LRRTM4: variants seen among roughly 807,000 people sequenced by gnomAD.
LRRTM4 encodes leucine-rich repeat transmembrane neuronal protein 4.
In LRRTM4, 25 loss-of-function variants were observed where a neutral mutation model predicts 47.6. The ratio of observed to expected loss-of-function variants is 0.53; its 90% CI spans 0.38 to 0.73. LRRTM4 has a LOEUF of 0.73. Ranked by LOEUF, LRRTM4 falls within the 30% of genes least tolerant of loss-of-function variation. The pLI is 0.00. For synonymous variants in LRRTM4, 311 were observed against 269.5 expected, an observed-to-expected ratio of 1.15 and a Z score of -1.51; for missense variants, 638 against 713.4, an observed-to-expected ratio of 0.89 and a Z score of 1.20.
intron 3 of LRRTM4, among the ~76,000 whole-genome samples, chr2:77,271,341 G>T (rs1245900273): frequency 2.0e-5 from 3 of 152,158 alleles, no homozygotes; most frequent in African/African-American, 7.2e-5. Context: ...GACTGCAGAA[G>T]GTGGAACTAA....
At chr2:77,388,161 TAA>T (rs932431264) in intron 3 of LRRTM4, among the ~76,000 whole-genome samples, 3 of 147,392 alleles carry the variant, frequency 2.0e-5, no homozygotes, top group Non-Finnish European at 1.5e-5. Context: ...CTTCAATCTT[TAA>T]AAAAAAAAAA....
At position 76,815,086 on chromosome 2, in the gene LRRTM4, C is replaced by T. The variant is rs145461566; in HGVS notation, c.1552-66170G>A. ...CTTGTTCTAAAAATGTTCTGCCTTTCGAAACACAGGACAATTGTATCTATT... is the reference window on the plus strand; with the variant it reads ...CTTGTTCTAAAAATGTTCTGCCTTTTGAAACACAGGACAATTGTATCTATT... On this transcript the variant is annotated intron_variant, in intron 3 of 3. Transcript: ENST00000409884. 2.4e-3 allele frequency among the ~76,000 whole-genome samples: 366 copies of T among 151,240 alleles called. 6 individuals carry two copies. Among genetic ancestry groups the T allele is most frequent in the African/African-American group, 8.5e-3 (351 of 41,188 alleles).
rs1216932676 is a variant in LRRTM4, at chr2:76,796,544, G to A, written c.1552-47628C>T. Among the ~76,000 whole-genome samples the A allele has an allele frequency of 6.4e-5, 8 of 125,120 alleles. 2 individuals are homozygous for A. The highest frequency in any genetic ancestry group is 1.7e-4 in the African/African-American group (5 of 29,802). 82.1% of individuals were successfully genotyped at this position (125,120 alleles called of 152,430 possible). ...CTAACTGGGAGGCACCCCCAAGCAC[G>A]GGCACACTGACACCTCACACGGCAG... On this transcript the variant is annotated intron_variant, in intron 3 of 3. Transcript: ENST00000409884.
At position 77,113,753 on chromosome 2, in the gene LRRTM4, T is replaced by C. The variant is rs1336863021; in HGVS notation, c.1552-364837A>G. Among the ~76,000 whole-genome samples the C allele has an allele frequency of 7.2e-5, 11 of 151,894 alleles. No homozygotes were observed. In the East Asian group the frequency reaches 2.1e-3, roughly 29 times the overall value. The stretch of plus-strand genomic sequence containing the variant: ...ATGGCAAAGTGACCGGTTGAGGAAC[T>C]GAAACGACAGGAGGGCGAGGGGCTG... On this transcript the variant is annotated intron_variant, in intron 3 of 3. Coordinates refer to ENST00000409884, the MANE Select transcript of LRRTM4 (RefSeq NM_001134745.3).
intron 3 of LRRTM4, among the ~76,000 whole-genome samples, chr2:76,837,952 G>C (rs531886454): frequency 6.6e-6 from 1 of 151,790 alleles, no homozygotes; most frequent in Admixed American, 6.6e-5. Context: ...GGGGGTAGGG[G>C]GGAGGGATAG....
At position 77,123,920 on chromosome 2, in the gene LRRTM4, A is replaced by C. The variant is rs549656741; in HGVS notation, c.1552-375004T>G. On this transcript the variant is annotated intron_variant, in intron 3 of 3. Coordinates refer to ENST00000409884, the MANE Select transcript of LRRTM4 (RefSeq NM_001134745.3). ...GATATAAGAAAATATCACACTTTACATGCCATTGCAAGGATGGTTAGACAG... is the reference window on the plus strand; with the variant it reads ...GATATAAGAAAATATCACACTTTACCTGCCATTGCAAGGATGGTTAGACAG... 8.5e-5 allele frequency among the ~76,000 whole-genome samples: 13 copies of C among 152,190 alleles called. No homozygotes were observed. The South Asian group carries it at 2.5e-3, about 29-fold the overall frequency.
intron 3 of LRRTM4, among the ~76,000 whole-genome samples, chr2:77,164,671 G>A (rs960490832): frequency 2.6e-5 from 4 of 152,064 alleles, no homozygotes; most frequent in East Asian, 1.9e-4. Flanking sequence ...ACTCAAAACC[G>A]CTCAACTGCA....
At chr2:77,087,084 A>C (rs962668703) in intron 3 of LRRTM4, among the ~76,000 whole-genome samples, 5 of 152,158 alleles carry the variant, frequency 3.3e-5, no homozygotes, top group African/African-American at 1.2e-4. Flanking sequence ...AACTAAAGCA[A>C]CCAGTGTATA....
chr2:77,102,541 G>A (rs573280115), intron 3 of LRRTM4, among the ~76,000 whole-genome samples: 10 of 152,214 alleles, frequency 6.6e-5, no homozygotes, highest in Middle Eastern at 3.4e-3. Context: ...ATATTCCCAC[G>A]TATTTAAATC....
intron 3 of LRRTM4, among the ~76,000 whole-genome samples, chr2:76,808,192 G>T (rs944558690): frequency 6.6e-6 from 1 of 150,890 alleles, no homozygotes; most frequent in Admixed American, 6.6e-5. Flanking sequence ...GGCTAATTTT[G>T]TATTTTTAGT....
chr2:77,005,714 C>T (rs1489305950), intron 3 of LRRTM4, among the ~76,000 whole-genome samples: 1 of 152,198 alleles, frequency 6.6e-6, no homozygotes, highest in South Asian at 2.1e-4. Flanking sequence ...TAAGACATGA[C>T]TTTGCTGCTC....
chr2:76,801,663 A>T (rs1311834312), intron 3 of LRRTM4, among the ~76,000 whole-genome samples: 9 of 151,810 alleles, frequency 5.9e-5, no homozygotes, highest in African/African-American at 2.2e-4. Flanking sequence ...TTAAAGTATA[A>T]TAAAAAAAAA....
intron 3 of LRRTM4, among the ~76,000 whole-genome samples, chr2:77,335,952 A>G (rs1485919428): frequency 6.6e-6 from 1 of 152,144 alleles, no homozygotes; most frequent in African/African-American, 2.4e-5. Context: ...TAGCAACTGT[A>G]CACAATACAA....
intron 3 of LRRTM4, among the ~76,000 whole-genome samples, chr2:77,247,260 A>G (rs1483523128): frequency 2.0e-5 from 3 of 152,142 alleles, no homozygotes; most frequent in African/African-American, 7.2e-5. Flanking sequence ...TATACAAGGA[A>G]AGCAAAATAT....
At chr2:77,065,055 A>C (rs1327979159) in intron 3 of LRRTM4, among the ~76,000 whole-genome samples, 1 of 152,180 alleles carries the variant, frequency 6.6e-6, no homozygotes, top group Non-Finnish European at 1.5e-5. Flanking sequence ...CAACACCTGG[A>C]ATAATAATTA....
At chr2:76,839,582 T>C (rs1334300704) in intron 3 of LRRTM4, among the ~76,000 whole-genome samples, 3 of 152,118 alleles carry the variant, frequency 2.0e-5, no homozygotes, top group African/African-American at 4.8e-5. Flanking sequence ...CTGTCATTTC[T>C]AATCTATCAT....
At chr2:76,804,390 C>T (rs1295648772) in intron 3 of LRRTM4, among the ~76,000 whole-genome samples, 1 of 151,902 alleles carries the variant, frequency 6.6e-6, no homozygotes, top group South Asian at 2.1e-4. Flanking sequence ...AACACACATA[C>T]ACACACACAG....
intron 3 of LRRTM4, among the ~76,000 whole-genome samples, chr2:77,320,853 T>A (rs1677767971): frequency 6.6e-6 from 1 of 152,106 alleles, no homozygotes; most frequent in Non-Finnish European, 1.5e-5. Context: ...TCCAACTATA[T>A]AAACATAGAA....
chr2:77,302,175 C>A (rs924192847), intron 3 of LRRTM4, among the ~76,000 whole-genome samples: 1 of 151,982 alleles, frequency 6.6e-6, no homozygotes, highest in African/African-American at 2.4e-5. Flanking sequence ...AAATTTCCAT[C>A]AAAAATATTT....
Sources: gnomAD v4.1 joint callset for allele counts (sites outside exome capture counted in the v4.1 genomes callset) on GRCh38, gnomAD v4.1.1 for gene constraint, MANE v1.5 for transcripts, NCBI Gene and HGNC (gene_info 2026-07-23, HGNC 2026-07-21) for gene names.